ADAM32: variants seen among roughly 807,000 people sequenced by gnomAD.
The protein encoded by ADAM32 is ADAM metallopeptidase domain 32, also known as disintegrin and metalloproteinase domain-containing protein 32.
ADAM32 carries 89 observed loss-of-function variants against 114.9 expected under a neutral mutation model. The ratio of observed to expected loss-of-function variants is 0.77; its 90% CI spans 0.65 to 0.92. The LOEUF (loss-of-function observed/expected upper bound fraction) is 0.92, where lower values mean the gene tolerates loss of function less well. Ranked by LOEUF, ADAM32 falls within the 40% of genes least tolerant of loss-of-function variation. The probability of loss-of-function intolerance (pLI) is 0.00; values close to 1 mark genes in which losing one functional copy is unlikely to be tolerated. For synonymous variants in ADAM32, 285 were observed against 307.5 expected, an observed-to-expected ratio of 0.93 and a Z score of 0.77; for missense variants, 870 against 932.8, an observed-to-expected ratio of 0.93 and a Z score of 0.88.
rs1269548082 is a variant in ADAM32 at position 39,133,385 on chromosome 8, C to A, written c.139-3272C>A. 2.0e-5 allele frequency among the ~76,000 whole-genome samples: 3 copies of A among 152,242 alleles called. No homozygotes were observed. The East Asian group carries it at 5.8e-4, about 29-fold the overall frequency. On this transcript the variant is annotated intron_variant, in intron 2 of 24. Transcript: ENST00000379907. ...ATATGATTTCTTCAACTATAATCAA[C>A]ATCAGTGATGTCTGTGAGTTTCCCA...
rs138549577 is a variant in ADAM32, at chr8:39,194,222, G to C, written c.1052+7177G>C. ...TGTGCCCTCTGTGCACACTCGCGTG[G>C]TTAGCAGTGGCTGCTCAGTGAAGGG... On this transcript the variant is annotated intron_variant, in intron 11 of 24. Coordinates refer to ENST00000379907, the MANE Select transcript of ADAM32 (RefSeq NM_145004.7). Among the ~76,000 whole-genome samples, 10 of 152,292 alleles carry C rather than the reference G, an allele frequency of 6.6e-5. No individual in the cohort carries two copies. In the South Asian group the frequency reaches 2.1e-3, roughly 32 times the overall value.
chr8:39,228,408 C>T (rs774292122), intron 14 of ADAM32, among the ~76,000 whole-genome samples: 3 of 151,746 alleles, frequency 2.0e-5, no homozygotes, highest in Admixed American at 6.6e-5. Context: ...AAGGAGAAGC[C>T]GAATGCAAGG....
intron 6 of ADAM32, among the ~76,000 whole-genome samples, chr8:39,154,052 A>ATATATATAT (rs1554601830): frequency 6.7e-6 from 1 of 149,752 alleles, no homozygotes; most frequent in Non-Finnish European, 1.5e-5. Flanking sequence ...ATATATATGT[A>ATATATATAT]ATTATACTTT....
At chr8:39,143,524 G>T (rs1163800454) in intron 3 of ADAM32, among the ~76,000 whole-genome samples, 1 of 152,266 alleles carries the variant, frequency 6.6e-6, no homozygotes, top group Non-Finnish European at 1.5e-5. Context: ...GTTTGCCTGG[G>T]TATCACCAGT....
At chr8:39,257,814 A>T (rs988553095) in intron 19 of ADAM32, among the ~76,000 whole-genome samples, 6 of 152,124 alleles carry the variant, frequency 3.9e-5, no homozygotes, top group Admixed American at 3.9e-4. Flanking sequence ...TCAAGAAATA[A>T]TTCAAACACT....
At chr8:39,255,356 G>T (rs1585656183) in intron 18 of ADAM32, among the ~76,000 whole-genome samples, 1 of 151,946 alleles carries the variant, frequency 6.6e-6, no homozygotes, top group Non-Finnish European at 1.5e-5. Context: ...CAACGTAAAA[G>T]TGCTCCCCTT....
chr8:39,243,749 T>C (rs1810715023), intron 16 of ADAM32, among the ~76,000 whole-genome samples: 1 of 152,142 alleles, frequency 6.6e-6, no homozygotes, highest in Non-Finnish European at 1.5e-5. Context: ...TCATCACTTC[T>C]ATTCAACATA....
At chr8:39,211,053 T>A in intron 11 of ADAM32, 91 bp from the exon 12 acceptor site, 1 of 1,134,656 alleles carries the variant, frequency 8.8e-7, no homozygotes, top group Non-Finnish European at 1.2e-6. Context: ...TAACAGCCAA[T>A]TGAATTTAAC....
At chr8:39,201,052 T>A (rs1355443708) in intron 11 of ADAM32, among the ~76,000 whole-genome samples, 1 of 152,218 alleles carries the variant, frequency 6.6e-6, no homozygotes, top group Admixed American at 6.5e-5. Context: ...TGAAGTCAGG[T>A]AGCGTGATGC....
At chr8:39,224,565 G>C (rs914508452) in intron 14 of ADAM32, among the ~76,000 whole-genome samples, 4 of 151,428 alleles carry the variant, frequency 2.6e-5, no homozygotes, top group African/African-American at 9.7e-5. Context: ...CTGGAGAAAT[G>C]TTTATTCAAT....
At chr8:39,241,004 T>C (rs1810516420) in intron 16 of ADAM32, among the ~76,000 whole-genome samples, 1 of 152,206 alleles carries the variant, frequency 6.6e-6, no homozygotes, top group Admixed American at 6.5e-5. Flanking sequence ...AGTTAGTTAC[T>C]TCCTAGATAC....
intron 22 of ADAM32, among the ~76,000 whole-genome samples, chr8:39,278,606 C>T (rs1813232885): frequency 1.3e-5 from 2 of 151,812 alleles, no homozygotes; most frequent in South Asian, 4.1e-4. Flanking sequence ...TAGCTTCTTC[C>T]AGGTTTTTAC....
At chr8:39,194,524 A>G (rs1438908025) in intron 11 of ADAM32, among the ~76,000 whole-genome samples, 1 of 152,148 alleles carries the variant, frequency 6.6e-6, no homozygotes, top group East Asian at 1.9e-4. Context: ...AAAGCATCAT[A>G]GACAGGCTGC....
intron 11 of ADAM32, among the ~76,000 whole-genome samples, chr8:39,209,544 C>A (rs1261107166): frequency 6.6e-6 from 1 of 152,116 alleles, no homozygotes; most frequent in Non-Finnish European, 1.5e-5. Flanking sequence ...GTGGATGTAT[C>A]TGGGCATTAA....
At chr8:39,176,187 C>T (rs1429157925) in intron 10 of ADAM32, among the ~76,000 whole-genome samples, 1 of 152,132 alleles carries the variant, frequency 6.6e-6, no homozygotes, top group East Asian at 1.9e-4. Flanking sequence ...CTATCTCCTT[C>T]AGTTCTGCTC....
rs372708183 is a variant in ADAM32 at position 39,257,341 on chromosome 8, C to G, written c.2160C>G (p.Ser720Arg). The change falls in exon 19 of 25, where the codon AGC becomes AGG. Residue 720 changes from serine to arginine, a missense_variant and splice_region_variant. Physicochemically the swap from Ser to Arg is moderately radical, Grantham distance 110 (BLOSUM62 -1). Coordinates refer to ENST00000379907, the MANE Select transcript of ADAM32 (RefSeq NM_145004.7). ...WFAKEEEFPSSESKSEGSTQT... is the reference protein window; with the variant it reads ...WFAKEEEFPSRESKSEGSTQT... ...CCAAGGAAGAGGAATTCCCAAGTAG[C>G]GAGTAAATTGCATTTGTGTTCTGAA... 3.1e-6 allele frequency: 5 copies of G among 1,612,306 alleles called. No homozygotes were observed. The South Asian group carries it at 5.5e-5, about 18-fold the overall frequency.
chr8:39,138,155 T>C (rs1275843043), intron 3 of ADAM32, among the ~76,000 whole-genome samples: 1 of 152,124 alleles, frequency 6.6e-6, no homozygotes, highest in African/African-American at 2.4e-5. Flanking sequence ...AGTTTCCTTT[T>C]TTTGTGTGTA....
chr8:39,204,645 A>T (rs544331124), intron 11 of ADAM32, among the ~76,000 whole-genome samples: 1 of 152,188 alleles, frequency 6.6e-6, no homozygotes, highest in Non-Finnish European at 1.5e-5. Context: ...GTCATTCTCC[A>T]TACAGCTTTG....
At chr8:39,235,268 C>G (rs182142057) in intron 16 of ADAM32, among the ~76,000 whole-genome samples, 1 of 152,084 alleles carries the variant, frequency 6.6e-6, no homozygotes, top group Non-Finnish European at 1.5e-5. Flanking sequence ...CTGCCACTTA[C>G]TTGATAGATG....
Sources: gnomAD v4.1 joint callset for allele counts (sites outside exome capture counted in the v4.1 genomes callset) on GRCh38, gnomAD v4.1.1 for gene constraint, MANE v1.5 for transcripts, NCBI Gene and HGNC (gene_info 2026-07-23, HGNC 2026-07-21) for gene names.